The following CSMD1 variants were observed in gnomAD, a reference collection of about 807,000 sequenced individuals.
CSMD1 encodes CUB and Sushi multiple domains 1.
CSMD1 carries 213 observed loss-of-function variants against 417.5 expected under a neutral mutation model. The ratio of observed to expected loss-of-function variants is 0.51; its 90% CI spans 0.46 to 0.57. The LOEUF (loss-of-function observed/expected upper bound fraction) is 0.57, where lower values mean the gene tolerates loss of function less well. Ranked by LOEUF, CSMD1 falls within the 20% of genes least tolerant of loss-of-function variation. The pLI is 0.00. For synonymous variants in CSMD1, 2,862 were observed against 1,736.8 expected (o/e 1.65, Z -16.11); for missense variants, 6,923 against 4,529.7 (o/e 1.53, Z -15.17).
intron 3 of CSMD1, among the ~76,000 whole-genome samples, chr8:4,035,116 A>G (rs1797547751): frequency 6.6e-6 from 1 of 152,194 alleles, no homozygotes; most frequent in South Asian, 2.1e-4. Context: ...CTGCCTAACA[A>G]CAGCTCAATG....
chr8:4,295,374 C>G (rs1020149120), intron 3 of CSMD1, among the ~76,000 whole-genome samples: 1 of 142,074 alleles, frequency 7.0e-6, no homozygotes, highest in Non-Finnish European at 1.5e-5. Context: ...ATATATGTAT[C>G]TTATTATACA....
intron 1 of CSMD1, among the ~76,000 whole-genome samples, chr8:4,818,723 G>T (rs900862770): frequency 6.6e-6 from 1 of 152,184 alleles, no homozygotes; most frequent in Admixed American, 6.5e-5. Context: ...AGCACAGAAA[G>T]TGCAAATGCA....
At chr8:3,452,543 T>A (rs1815809034) in intron 12 of CSMD1, among the ~76,000 whole-genome samples, 1 of 152,228 alleles carries the variant, frequency 6.6e-6, no homozygotes, top group African/African-American at 2.4e-5. Context: ...TTGAATTTTG[T>A]CAAAGGCCTT....
intron 41 of CSMD1, among the ~76,000 whole-genome samples, chr8:3,120,195 G>A (rs1817116264): frequency 6.6e-6 from 1 of 152,194 alleles, no homozygotes; most frequent in Non-Finnish European, 1.5e-5. Flanking sequence ...GGACAGGGCA[G>A]AGGGGCCAGC....
At chr8:4,701,949 TC>T (rs1468497685) in intron 1 of CSMD1, among the ~76,000 whole-genome samples, 1 of 152,170 alleles carries the variant, frequency 6.6e-6, no homozygotes, top group Non-Finnish European at 1.5e-5. Flanking sequence ...TGAGATCATG[TC>T]CTTTGCAGGG....
At chr8:4,014,084 A>T (rs1298211550) in intron 4 of CSMD1, among the ~76,000 whole-genome samples, 2 of 152,206 alleles carry the variant, frequency 1.3e-5, no homozygotes, top group Non-Finnish European at 2.9e-5. Flanking sequence ...TTTGAGCATC[A>T]TTTCAATGCC....
chr8:3,767,051 G>C (rs990375277), intron 5 of CSMD1, among the ~76,000 whole-genome samples: 5 of 152,180 alleles, frequency 3.3e-5, no homozygotes, highest in African/African-American at 1.2e-4. Context: ...CTCTTCAGCT[G>C]CTTTTCAGCA....
intron 7 of CSMD1, among the ~76,000 whole-genome samples, chr8:3,673,784 C>A (rs960790711): frequency 6.6e-6 from 1 of 152,126 alleles, no homozygotes; most frequent in African/African-American, 2.4e-5. Context: ...AGGTGCAAAC[C>A]TACACTGTGG....
At chr8:4,635,125 G>T (rs1023903844) in intron 2 of CSMD1, among the ~76,000 whole-genome samples, 1 of 152,182 alleles carries the variant, frequency 6.6e-6, no homozygotes, top group East Asian at 1.9e-4. Flanking sequence ...CGGTAACTGA[G>T]TGATTCATAT....
At chr8:3,220,659 T>A (rs1798155840) in intron 28 of CSMD1, among the ~76,000 whole-genome samples, 1 of 152,194 alleles carries the variant, frequency 6.6e-6, no homozygotes, top group South Asian at 2.1e-4. Flanking sequence ...GGTGAAACCC[T>A]CTCTCTACTA....
intron 7 of CSMD1, among the ~76,000 whole-genome samples, chr8:3,629,278 G>A (rs1474031353): frequency 6.7e-6 from 1 of 150,316 alleles, no homozygotes; most frequent in Non-Finnish European, 1.5e-5. Context: ...TGAATAAGAT[G>A]CTTAATGGAA....
chr8:4,977,395 G>C (rs565595137), intron 1 of CSMD1, among the ~76,000 whole-genome samples: 1 of 152,286 alleles, frequency 6.6e-6, no homozygotes, highest in African/African-American at 2.4e-5. Flanking sequence ...CAAGTTGAAA[G>C]GATTTCAGGC....
intron 69 of CSMD1, among the ~76,000 whole-genome samples, chr8:2,939,868 C>G (rs1801743704): frequency 6.6e-6 from 1 of 152,202 alleles, no homozygotes; most frequent in Non-Finnish European, 1.5e-5. Flanking sequence ...GAAGTGAAGA[C>G]CTGGCTAAAA....
intron 1 of CSMD1, among the ~76,000 whole-genome samples, chr8:4,735,705 G>C (rs1397252489): frequency 6.6e-6 from 1 of 152,102 alleles, no homozygotes; most frequent in African/African-American, 2.4e-5. Context: ...ACATCTTCTT[G>C]CTTTTATCTC....
At chr8:2,964,763 G>C (rs531299641) in intron 59 of CSMD1, among the ~76,000 whole-genome samples, 1 of 152,262 alleles carries the variant, frequency 6.6e-6, no homozygotes, top group Non-Finnish European at 1.5e-5. Context: ...GAGATCCTTT[G>C]ACTCTACTGG....
chr8:3,618,821 G>A (rs549849199), intron 7 of CSMD1, among the ~76,000 whole-genome samples: 56 of 152,240 alleles, frequency 3.7e-4, no homozygotes, highest in African/African-American at 1.2e-3. Flanking sequence ...CATGACTTGC[G>A]TGGCACAGTG....
At chr8:4,482,155 G>C (rs1482503910) in intron 2 of CSMD1, among the ~76,000 whole-genome samples, 1 of 152,136 alleles carries the variant, frequency 6.6e-6, no homozygotes, top group Non-Finnish European at 1.5e-5. Context: ...AAGTAAACTT[G>C]TGTCATGGGG....
intron 26 of CSMD1, among the ~76,000 whole-genome samples, chr8:3,255,547 C>G (rs1434974801): frequency 6.6e-6 from 1 of 152,218 alleles, no homozygotes; most frequent in Non-Finnish European, 1.5e-5. Flanking sequence ...CTTTGTTTAC[C>G]TACTCAAGCC....
chr8:3,187,648 CT>C (rs1186016399), intron 36 of CSMD1, among the ~76,000 whole-genome samples: 1 of 152,146 alleles, frequency 6.6e-6, no homozygotes, highest in Non-Finnish European at 1.5e-5. Flanking sequence ...CTATCTGACA[CT>C]TTTAGATTGG....
Sources: gnomAD v4.1 joint callset for allele counts (sites outside exome capture counted in the v4.1 genomes callset) on GRCh38, gnomAD v4.1.1 for gene constraint, MANE v1.5 for transcripts, NCBI Gene and HGNC (gene_info 2026-07-23, HGNC 2026-07-21) for gene names.